RIMS1: variants seen among roughly 807,000 people sequenced by gnomAD.
RIMS1 encodes the protein regulating synaptic membrane exocytosis 1.
In RIMS1, 83 loss-of-function variants were observed where a neutral mutation model predicts 214.1. The ratio of observed to expected loss-of-function variants is 0.39; its 90% CI spans 0.32 to 0.47. The LOEUF is 0.47. Among genes scored for constraint, RIMS1 ranks in the 20% least tolerant of loss-of-function variants. The probability of loss-of-function intolerance (pLI) is 0.99; values close to 1 mark genes in which losing one functional copy is unlikely to be tolerated. For synonymous variants in RIMS1, 793 were observed against 786.8 expected (o/e 1.01, Z -0.13); for missense variants, 2,050 against 2,161.8 (o/e 0.95, Z 1.03).
At chr6:72,136,469 A>C (rs1393167467) in intron 4 of RIMS1, among the ~76,000 whole-genome samples, 3 of 152,192 alleles carry the variant, frequency 2.0e-5, no homozygotes, top group Admixed American at 6.5e-5. Context: ...ATTCTGATTT[A>C]TCTTTAACAA....
chr6:72,119,400 AC>A (rs1241084117), intron 4 of RIMS1, among the ~76,000 whole-genome samples: 3 of 151,840 alleles, frequency 2.0e-5, no homozygotes, highest in African/African-American at 7.2e-5. Context: ...AAAGCAATCT[AC>A]AGATTTAGGG....
intron 2 of RIMS1, among the ~76,000 whole-genome samples, chr6:72,026,671 A>C (rs1009195471): frequency 2.0e-5 from 3 of 152,094 alleles, no homozygotes; most frequent in African/African-American, 7.2e-5. Context: ...TTATACATGA[A>C]AACCTTATCT....
intron 4 of RIMS1, among the ~76,000 whole-genome samples, chr6:72,172,633 T>C (rs1184891928): frequency 6.6e-6 from 1 of 152,224 alleles, no homozygotes; most frequent in African/African-American, 2.4e-5. Context: ...GCAATGAATT[T>C]AGATTATGCT....
At chr6:71,946,681 A>G (rs1048034599) in intron 1 of RIMS1, among the ~76,000 whole-genome samples, 1 of 152,144 alleles carries the variant, frequency 6.6e-6, no homozygotes, top group African/African-American at 2.4e-5. Flanking sequence ...TAAAACTATT[A>G]CAAGAAAAAC....
chr6:71,929,210 C>T (rs1782391588), intron 1 of RIMS1, among the ~76,000 whole-genome samples: 1 of 152,064 alleles, frequency 6.6e-6, no homozygotes, highest in African/African-American at 2.4e-5. Flanking sequence ...CAGGCTATTT[C>T]AGTTCATGCT....
chr6:72,136,436 T>C (rs1289395197), intron 4 of RIMS1, among the ~76,000 whole-genome samples: 1 of 152,120 alleles, frequency 6.6e-6, no homozygotes, highest in African/African-American at 2.4e-5. Flanking sequence ...AAGGTTTACT[T>C]ACAAAGAAAG....
At chr6:72,061,617 A>G (rs1827876475) in intron 2 of RIMS1, among the ~76,000 whole-genome samples, 1 of 152,186 alleles carries the variant, frequency 6.6e-6, no homozygotes, top group African/African-American at 2.4e-5. Context: ...GTGGTGGTAG[A>G]TGGAGAGGCC....
At chr6:72,002,227 C>T (rs1480830714) in intron 2 of RIMS1, among the ~76,000 whole-genome samples, 1 of 151,648 alleles carries the variant, frequency 6.6e-6, no homozygotes, top group Non-Finnish European at 1.5e-5. Context: ...AGTATCAGAA[C>T]GTTTTTAAAA....
intron 28 of RIMS1, chr6:72,316,949 A>G (rs1228529649): frequency 9.2e-6 from 6 of 650,432 alleles, no homozygotes; most frequent in Admixed American, 2.1e-5. Flanking sequence ...TGGAGAGACC[A>G]GGCCCTAGGC....
chr6:72,111,457 G>GAAT (rs77945420), intron 4 of RIMS1, among the ~76,000 whole-genome samples: 9 of 152,196 alleles, frequency 5.9e-5, no homozygotes, highest in Non-Finnish European at 1.0e-4. Flanking sequence ...AACCCCTTAA[G>GAAT]AATATGAATT....
intron 28 of RIMS1, among the ~76,000 whole-genome samples, chr6:72,332,682 T>TAA (rs745643840): frequency 1.6e-5 from 2 of 126,170 alleles, no homozygotes; most frequent in Non-Finnish European, 1.7e-5. Flanking sequence ...ACTTAAAGTA[T>TAA]AAAAAAAAAA....
intron 2 of RIMS1, among the ~76,000 whole-genome samples, chr6:72,042,600 A>G (rs924098346): frequency 6.6e-6 from 1 of 151,752 alleles, no homozygotes; most frequent in Non-Finnish European, 1.5e-5. Context: ...GGTGTCTCCA[A>G]TTTTTCCAAA....
chr6:71,904,185 C>A (rs1774597411), intron 1 of RIMS1, among the ~76,000 whole-genome samples: 1 of 152,114 alleles, frequency 6.6e-6, no homozygotes, highest in Non-Finnish European at 1.5e-5. Context: ...ACTAGTTTGA[C>A]TTGTTTCCCA....
intron 2 of RIMS1, among the ~76,000 whole-genome samples, chr6:72,017,477 T>C (rs148291198): frequency 4.6e-5 from 7 of 152,326 alleles, no homozygotes; most frequent in African/African-American, 1.7e-4. Context: ...TAAGAAATAA[T>C]GCACACAATG....
At chr6:72,381,419 T>A (rs993112605) in intron 29 of RIMS1, among the ~76,000 whole-genome samples, 1 of 152,250 alleles carries the variant, frequency 6.6e-6, no homozygotes, top group African/African-American at 2.4e-5. Context: ...AGAAATACTT[T>A]GGAAACATTG....
intron 1 of RIMS1, among the ~76,000 whole-genome samples, chr6:71,958,042 C>A (rs1561968540): frequency 6.6e-6 from 1 of 152,050 alleles, no homozygotes; most frequent in Non-Finnish European, 1.5e-5. Context: ...AACCTTCTTA[C>A]CACATAGAGT....
chr6:72,311,258 C>CA (rs1563902166), intron 27 of RIMS1, among the ~76,000 whole-genome samples: 1 of 152,110 alleles, frequency 6.6e-6, no homozygotes, highest in Non-Finnish European at 1.5e-5. Flanking sequence ...CACAGTGTTT[C>CA]AAAAAACCAA....
intron 2 of RIMS1, among the ~76,000 whole-genome samples, chr6:72,071,032 G>A (rs991920635): frequency 2.0e-5 from 3 of 152,160 alleles, no homozygotes; most frequent in Non-Finnish European, 4.4e-5. Flanking sequence ...TTAGAACACA[G>A]ATGTCCTCAG....
chr6:72,235,349 T>C (rs1201579182), intron 7 of RIMS1, among the ~76,000 whole-genome samples: 1 of 152,026 alleles, frequency 6.6e-6, no homozygotes, highest in African/African-American at 2.4e-5. Flanking sequence ...CCCTACCCTT[T>C]CCTTCTCCCT....
Sources: allele counts gnomAD v4.1 joint callset (sites outside exome capture counted in the v4.1 genomes callset), GRCh38; gene constraint gnomAD v4.1.1; transcripts MANE v1.5; gene names NCBI Gene and HGNC (gene_info 2026-07-23, HGNC 2026-07-21).